Variants in IGSF21 observed in about 807,000 individuals in gnomAD.
The protein encoded by IGSF21 is immunoglobulin superfamily member 21.
Under a neutral mutation model 46.8 loss-of-function variants are expected in IGSF21, and 28 were observed. The observed-to-expected ratio is 0.60, with a 90% CI of 0.44 to 0.82. IGSF21 has a LOEUF of 0.82. Ranked by LOEUF, IGSF21 falls within the 40% of genes least tolerant of loss-of-function variation. The pLI, the probability that IGSF21 is intolerant of heterozygous loss-of-function variation, is 0.00. For missense variants in IGSF21, 624 were observed against 665.5 expected, an observed-to-expected ratio of 0.94 and a Z score of 0.69; for synonymous variants, 284 against 273.6, an observed-to-expected ratio of 1.04 and a Z score of -0.38.
At chr1:18,202,617 T>A (rs9659886) in intron 1 of IGSF21, among the ~76,000 whole-genome samples, 93,562 of 151,774 alleles carry the variant, frequency 0.62, 29,697 homozygotes, top group Middle Eastern at 0.72. Context: ...GGAAGAGCTA[T>A]TTGTGAAACC....
intron 3 of IGSF21, among the ~76,000 whole-genome samples, chr1:18,312,353 C>T (rs1263416166): frequency 6.6e-6 from 1 of 152,216 alleles, no homozygotes; most frequent in Non-Finnish European, 1.5e-5. Context: ...CCAGTAGGAA[C>T]TCAGTCAACG....
chr1:18,169,422 C>T (rs553875044), intron 1 of IGSF21, among the ~76,000 whole-genome samples: 3 of 152,334 alleles, frequency 2.0e-5, no homozygotes, highest in Admixed American at 6.5e-5. Flanking sequence ...GTCTTGCCCA[C>T]GCTAACTGGG....
chr1:18,137,224 G>T (rs887580062), intron 1 of IGSF21, among the ~76,000 whole-genome samples: 1 of 152,088 alleles, frequency 6.6e-6, no homozygotes, highest in Non-Finnish European at 1.5e-5. Flanking sequence ...ACTTTTCAAT[G>T]ACCAGATCAC....
rs560203528 is a variant in IGSF21 at position 18,359,404 on chromosome 1, A to C, written c.425-2711A>C. On this transcript the variant is annotated intron_variant, in intron 4 of 9. Coordinates refer to ENST00000251296, the MANE Select transcript of IGSF21 (RefSeq NM_032880.5). ...AAAGAAAGGAAGGAAGGAAGGAAGG[A>C]AGGAAGGAAGGAAGGAAGGAAGGAA... Among the ~76,000 whole-genome samples the C allele has an allele frequency of 1.6e-3, 234 of 144,026 alleles. 3 individuals carry two copies. Among genetic ancestry groups the C allele is most frequent in the African/African-American group, 5.5e-3 (212 of 38,838 alleles). The allele number at this position is 144,026 out of a possible 152,430, so 94.5% of individuals were successfully genotyped here. A position where few individuals can be genotyped will look rare whatever the true frequency, so the allele number is the denominator to read the frequency against.
chr1:18,131,314 A>G (rs2086319523), intron 1 of IGSF21, among the ~76,000 whole-genome samples: 1 of 152,128 alleles, frequency 6.6e-6, no homozygotes, highest in Non-Finnish European at 1.5e-5. Context: ...TCGCTTTTCC[A>G]TCCCAGACTG....
At chr1:18,233,233 T>C (rs1276457794) in intron 2 of IGSF21, among the ~76,000 whole-genome samples, 2 of 152,236 alleles carry the variant, frequency 1.3e-5, no homozygotes, top group African/African-American at 2.4e-5. Context: ...ATCCCTGCTT[T>C]CAGTACCCCT....
intron 2 of IGSF21, among the ~76,000 whole-genome samples, chr1:18,233,663 A>G (rs1569590159): frequency 1.3e-5 from 2 of 152,300 alleles, no homozygotes; most frequent in South Asian, 4.1e-4. Flanking sequence ...TACAGGATCT[A>G]GAGAGGGAAA....
At chr1:18,258,065 G>A (rs1020876393) in intron 2 of IGSF21, among the ~76,000 whole-genome samples, 11 of 152,324 alleles carry the variant, frequency 7.2e-5, no homozygotes, top group African/African-American at 2.4e-4. Flanking sequence ...ATGTGCAGGA[G>A]GTAGCAGCCT....
intron 1 of IGSF21, among the ~76,000 whole-genome samples, chr1:18,204,464 C>G (rs2087106379): frequency 6.6e-6 from 1 of 152,148 alleles, no homozygotes; most frequent in Non-Finnish European, 1.5e-5. Context: ...CAAAAATCTT[C>G]CTTCTTTGAG....
chr1:18,237,745 G>T (rs952785334), intron 2 of IGSF21, among the ~76,000 whole-genome samples: 1 of 151,984 alleles, frequency 6.6e-6, no homozygotes, highest in South Asian at 2.1e-4. Context: ...TTATTTTTCC[G>T]CTTCTCCTAT....
At chr1:18,270,811 C>T (rs1057384217) in intron 2 of IGSF21, among the ~76,000 whole-genome samples, 6 of 152,168 alleles carry the variant, frequency 3.9e-5, no homozygotes, top group South Asian at 2.1e-4. Flanking sequence ...CAAACTGGTG[C>T]CATCAAGGCT....
At chr1:18,182,671 GATGA>G (rs1165180866) in intron 1 of IGSF21, among the ~76,000 whole-genome samples, 1 of 152,196 alleles carries the variant, frequency 6.6e-6, no homozygotes, top group Non-Finnish European at 1.5e-5. Context: ...TGCATGCATG[GATGA>G]ATGAATGAAT....
chr1:18,336,278 A>C (rs976735549), intron 4 of IGSF21, among the ~76,000 whole-genome samples: 1 of 152,222 alleles, frequency 6.6e-6, no homozygotes, highest in Non-Finnish European at 1.5e-5. Context: ...TAAAGGGATA[A>C]AGAGTGACTG....
chr1:18,359,385 A>AGAAAGAAAGAAAGAAAGAAT (rs1557659641), intron 4 of IGSF21, among the ~76,000 whole-genome samples: 2 of 68,464 alleles, frequency 2.9e-5, no homozygotes, highest in African/African-American at 1.2e-4. Context: ...AAAGAAAGAA[A>AGAAAGAAAGAAAGAAAGAAT]GGAAGGAAGG....
At chr1:18,321,597 A>AC (rs1191077636) in intron 3 of IGSF21, among the ~76,000 whole-genome samples, 1 of 152,204 alleles carries the variant, frequency 6.6e-6, no homozygotes, top group Non-Finnish European at 1.5e-5. Flanking sequence ...ACTACTTGGC[A>AC]CATGGAGCCC....
intron 2 of IGSF21, among the ~76,000 whole-genome samples, chr1:18,243,327 C>A (rs148524075): frequency 6.6e-6 from 1 of 152,078 alleles, no homozygotes; most frequent in Non-Finnish European, 1.5e-5. Context: ...GTTTCCGAAG[C>A]GAAAAATCTA....
intron 1 of IGSF21, chr1:18,112,362 AGTGGGAAATTGATG>A (rs1419628131): frequency 6.6e-6 from 1 of 152,150 alleles, no homozygotes; most frequent in African/African-American, 2.4e-5. Flanking sequence ...TTTAAGGCTC[AGTGGGAAATTGATG>A]CTTCATTTAG....
chr1:18,318,453 TGTGC>T (rs918170741), intron 3 of IGSF21, among the ~76,000 whole-genome samples: 1 of 133,318 alleles, frequency 7.5e-6, no homozygotes, highest in African/African-American at 2.9e-5. Context: ...TGCATGCACG[TGTGC>T]GTGCGTGCGT....
chr1:18,223,602 G>A (rs1030185793), intron 1 of IGSF21, among the ~76,000 whole-genome samples: 5 of 152,178 alleles, frequency 3.3e-5, no homozygotes, highest in Non-Finnish European at 5.9e-5. Context: ...GCCCATGAAC[G>A]CTCAGAATGC....
Sources: gnomAD v4.1 joint callset for allele counts (sites outside exome capture counted in the v4.1 genomes callset) on GRCh38, gnomAD v4.1.1 for gene constraint, MANE v1.5 for transcripts, NCBI Gene and HGNC (gene_info 2026-07-23, HGNC 2026-07-21) for gene names.